SFMBT2: variants seen among roughly 807,000 people sequenced by gnomAD.
The protein encoded by SFMBT2 is Scm like with four mbt domains 2.
A neutral mutation model predicts 110.1 loss-of-function variants in SFMBT2; 38 were observed. The observed-to-expected ratio is 0.35, with a 90% CI of 0.27 to 0.45. SFMBT2 has a LOEUF of 0.45. SFMBT2 is among the 20% of genes least tolerant of loss of function. The probability of loss-of-function intolerance (pLI) is 1.00; values close to 1 mark genes in which losing one functional copy is unlikely to be tolerated. For synonymous variants in SFMBT2, 425 were observed against 425.4 expected, an observed-to-expected ratio of 1.00 and a Z score of 0.01; for missense variants, 1,011 against 1,094.9, an observed-to-expected ratio of 0.92 and a Z score of 1.08.
intron 4 of SFMBT2, among the ~76,000 whole-genome samples, chr10:7,289,188 C>T (rs1310541893): frequency 6.6e-5 from 10 of 152,142 alleles, no homozygotes; most frequent in Admixed American, 1.3e-4. Flanking sequence ...ACAAAATATA[C>T]AACTGTACCC....
At chr10:7,372,576 G>A (rs1488453846) in intron 2 of SFMBT2, among the ~76,000 whole-genome samples, 1 of 152,166 alleles carries the variant, frequency 6.6e-6, no homozygotes, top group African/African-American at 2.4e-5. Flanking sequence ...GTGAAGAATG[G>A]ATGACACCAA....
Position 7,171,999 on chromosome 10 carries a change from G to A in SFMBT2, c.2311C>T (p.Arg771Cys), listed in dbSNP as rs541625810. 43 of 1,558,350 alleles carry A rather than the reference G, an allele frequency of 2.8e-5. No homozygotes were observed. The highest frequency in any genetic ancestry group is 4.1e-5 in the African/African-American group (3 of 73,454). ...VTLRSGSEPVRRPPPERTRRG... is the reference protein window; with the variant it reads ...VTLRSGSEPVCRPPPERTRRG... ...CGTGTCCTCTCTGGGGGTGGCCGGCGCACGGGCTCTGAGCCGCTCCGCAGG... is the reference window on the plus strand; with the variant it reads ...CGTGTCCTCTCTGGGGGTGGCCGGCACACGGGCTCTGAGCCGCTCCGCAGG... The change falls in exon 19 of 21, where the codon CGC (arginine) becomes TGC (cysteine). Residue 771 changes from arginine (R) to cysteine (C), a missense_variant. By Grantham distance (180) the Arg-to-Cys change is radical. This residue lies in a region of SFMBT2 where 979 missense variants were observed against 1,016.1 expected (regional missense o/e 0.96). Coordinates refer to ENST00000397167, the MANE Select transcript of SFMBT2 (RefSeq NM_001387889.1). This position sits in a 1 kb window ranked among gnomAD's most constrained non-coding sequence, Gnocchi z 4.9.
chr10:7,366,279 T>C (rs1382525307), intron 4 of SFMBT2, among the ~76,000 whole-genome samples: 1 of 152,116 alleles, frequency 6.6e-6, no homozygotes, highest in Non-Finnish European at 1.5e-5. Context: ...GCCATGGCAA[T>C]GGGTTCGATC....
chr10:7,211,615 A>T (rs575047688), intron 11 of SFMBT2, among the ~76,000 whole-genome samples: 39 of 152,160 alleles, frequency 2.6e-4, no homozygotes, highest in Middle Eastern at 3.4e-3. Flanking sequence ...CCTGTGGGTC[A>T]CCTGCTTTAA....
In SFMBT2 at chr10:7,163,540, G is replaced by C; in HGVS notation, c.*230C>G. 2.0e-6 allele frequency: 1 copy of C among 488,972 alleles called. No homozygotes were observed. Among genetic ancestry groups the C allele is most frequent in the Non-Finnish European group, 3.6e-6 (1 of 275,136 alleles). 30.3% of individuals were successfully genotyped at this position (488,972 alleles called of 1,614,324 possible). A position where few individuals can be genotyped will look rare whatever the true frequency, so the allele number is the denominator to read the frequency against. On this transcript the variant is annotated 3_prime_UTR_variant, in exon 21 of 21. Coordinates refer to ENST00000397167, the MANE Select transcript of SFMBT2 (RefSeq NM_001387889.1). The surrounding 1 kb of genome is among the most constrained non-coding windows in gnomAD (Gnocchi z 4.8). ...AAGAAGCAGGCCCACGTCTGGCAGG[G>C]TCTGATGCATGACTTTAACTGGCAC...
chr10:7,333,455 T>C (rs11593321), intron 4 of SFMBT2, among the ~76,000 whole-genome samples: 176 of 151,032 alleles, frequency 1.2e-3, no homozygotes, highest in Middle Eastern at 3.4e-3. Context: ...TGCAGTGGCA[T>C]GATCATAGCT....
In SFMBT2 at chr10:7,301,632, A is replaced by G. The variant is rs1201249104; in HGVS notation, c.437-15678T>C. On this transcript the variant is annotated intron_variant, in intron 4 of 20. Transcript: ENST00000397167. The surrounding 1 kb of genome is among the most constrained non-coding windows in gnomAD (Gnocchi z 4.2). ...GCTGCCTCCACAGGACAAACCAGAG[A>G]CTGCAATGAGAGGGAGGAGCTGCAG... Among the ~76,000 whole-genome samples the G allele has an allele frequency of 6.6e-6, 1 of 152,122 alleles. No homozygotes were observed. The highest frequency in any genetic ancestry group is 2.4e-5 in the African/African-American group (1 of 41,432).
At chr10:7,327,122 C>A (rs1263576890) in intron 4 of SFMBT2, among the ~76,000 whole-genome samples, 1 of 125,538 alleles carries the variant, frequency 8.0e-6, no homozygotes, top group East Asian at 2.4e-4. Context: ...CTGGGGGAAA[C>A]CAGGTCTTCC....
At chr10:7,204,355 G>A (rs1316502819) in intron 12 of SFMBT2, 2 of 985,232 alleles carry the variant, frequency 2.0e-6, no homozygotes, top group East Asian at 2.3e-4. Flanking sequence ...CTACAGAAGT[G>A]GCCACAGAAC....
At chr10:7,192,413 C>T (rs1838628324) in intron 15 of SFMBT2, among the ~76,000 whole-genome samples, 1 of 152,196 alleles carries the variant, frequency 6.6e-6, no homozygotes, top group South Asian at 2.1e-4. Flanking sequence ...AAGCTCTTCT[C>T]CTACCACCAA....
At chr10:7,399,496 T>G (rs1442731652) in intron 1 of SFMBT2, among the ~76,000 whole-genome samples, 1 of 152,206 alleles carries the variant, frequency 6.6e-6, no homozygotes, top group African/African-American at 2.4e-5. Context: ...CCTCCCAAAG[T>G]GCTGGGATTA....
At chr10:7,397,118 G>T (rs755513882) in intron 1 of SFMBT2, among the ~76,000 whole-genome samples, 5 of 152,176 alleles carry the variant, frequency 3.3e-5, no homozygotes, top group Non-Finnish European at 7.4e-5. Flanking sequence ...AAGTGAAAAA[G>T]TGAAACTTTA....
intron 7 of SFMBT2, among the ~76,000 whole-genome samples, chr10:7,268,084 T>C (rs1463567069): frequency 6.6e-6 from 1 of 152,214 alleles, no homozygotes; most frequent in Non-Finnish European, 1.5e-5. Flanking sequence ...ATACGATTTA[T>C]AAGAATTGCT....
intron 2 of SFMBT2, among the ~76,000 whole-genome samples, chr10:7,376,495 C>A (rs771477414): frequency 6.6e-6 from 1 of 151,558 alleles, no homozygotes; most frequent in Non-Finnish European, 1.5e-5. Flanking sequence ...GTCAAGAGAT[C>A]GAGACCATCC....
intron 1 of SFMBT2, among the ~76,000 whole-genome samples, chr10:7,400,701 A>G (rs540152664): frequency 9.2e-5 from 14 of 152,166 alleles, no homozygotes; most frequent in Non-Finnish European, 1.5e-4. Context: ...TTTAATTAGC[A>G]CAGGGACATG....
chr10:7,244,060 A>G, intron 8 of SFMBT2: 1 of 904,884 alleles, frequency 1.1e-6, no homozygotes, highest in Non-Finnish European at 1.3e-6. Context: ...CAGGAACTGA[A>G]AAGTGAAACC....
chr10:7,251,548 T>C (rs1017653193), intron 7 of SFMBT2, among the ~76,000 whole-genome samples: 3 of 152,170 alleles, frequency 2.0e-5, no homozygotes, highest in Admixed American at 6.5e-5. Flanking sequence ...ATCACAGCTT[T>C]TGCAGGTAAA....
At chr10:7,372,487 G>A (rs754981796) in intron 2 of SFMBT2, among the ~76,000 whole-genome samples, 27 of 152,162 alleles carry the variant, frequency 1.8e-4, no homozygotes, top group Non-Finnish European at 3.4e-4. Context: ...TCTAACATTC[G>A]GTCCCACCCA....
chr10:7,348,448 C>A, intron 4 of SFMBT2: 1 of 814,574 alleles, frequency 1.2e-6, no homozygotes. Flanking sequence ...AAGGGCTTTT[C>A]AAAAAATTGA....
Sources: gnomAD v4.1 joint callset for allele counts (sites outside exome capture counted in the v4.1 genomes callset) on GRCh38, gnomAD v4.1.1 for gene constraint, gnomAD v4.1.1 regional missense constraint, Gnocchi (gnomAD v3.1) non-coding constraint, MANE v1.5 for transcripts, NCBI Gene and HGNC (gene_info 2026-07-23, HGNC 2026-07-21) for gene names.